CIMAP2: variants seen among roughly 807,000 people sequenced by gnomAD.
CIMAP2 encodes the protein ciliary microtubule associated protein 2, also known as ciliary microtubule-associated protein 2.
the CIMAP2 span, chr1:54,817,206 G>A: frequency 2.0e-5 from 31 of 1,545,104 alleles, no homozygotes; most frequent in African/African-American, 3.5e-4. Flanking sequence ...CCCCATGTTT[G>A]GTTCCCATGG....
the CIMAP2 span, among the ~76,000 whole-genome samples, chr1:54,826,163 C>T: frequency 1.3e-5 from 2 of 152,160 alleles, no homozygotes; most frequent in African/African-American, 2.4e-5. Context: ...TGGGCCTGTC[C>T]TCAGGCCCTG....
chr1:54,807,944 G>T, the CIMAP2 span: 1 of 1,609,752 alleles, frequency 6.2e-7, no homozygotes, highest in Non-Finnish European at 8.5e-7. Context: ...GAACAGCTGC[G>T]GGAGAAACCA....
the CIMAP2 span, among the ~76,000 whole-genome samples, chr1:54,825,070 G>A: frequency 3.6e-3 from 307 of 85,746 alleles, 16 homozygotes; most frequent in East Asian, 0.099. Context: ...TTTTTTTTGA[G>A]ATGGAGTCTC....
At chr1:54,824,922 C>T in the CIMAP2 span, among the ~76,000 whole-genome samples, 1 of 148,928 alleles carries the variant, frequency 6.7e-6, no homozygotes, top group African/African-American at 2.5e-5. Flanking sequence ...ATATTGTATT[C>T]CTTGGAGGTA....
chr1:54,813,937 A>T, the CIMAP2 span: 1 of 1,612,030 alleles, frequency 6.2e-7, no homozygotes. Context: ...TACAGAGAGG[A>T]TTTACTGGGC....
chr1:54,807,917 A>C, the CIMAP2 span: 1 of 1,605,190 alleles, frequency 6.2e-7, no homozygotes, highest in Non-Finnish European at 8.5e-7. Context: ...GGCTCCTACA[A>C]CCTCAAAGAC....
the CIMAP2 span, chr1:54,815,128 G>A: frequency 6.5e-7 from 1 of 1,549,744 alleles, no homozygotes; most frequent in Non-Finnish European, 8.8e-7. Flanking sequence ...GGTAACCGAT[G>A]CTTTGAGTGA....
At chr1:54,811,763 C>CCGCCGGGGGGGGGGGGG in the CIMAP2 span, 1 of 1,280,768 alleles carries the variant, frequency 7.8e-7, no homozygotes, top group Non-Finnish European at 1.1e-6. Flanking sequence ...GTGGTTCTGA[C>CCGCCGGGGGGGGGGGGG]AGCCTCCATG....
chr1:54,822,399 C>A, the CIMAP2 span, among the ~76,000 whole-genome samples: 1 of 146,680 alleles, frequency 6.8e-6, no homozygotes, highest in East Asian at 2.0e-4. Flanking sequence ...TTTTTTCAGT[C>A]TCTATTTTGT....
the CIMAP2 span, among the ~76,000 whole-genome samples, chr1:54,836,262 CTCCCGCCTGCCTACCT>C: frequency 6.7e-5 from 10 of 149,784 alleles, no homozygotes; most frequent in Admixed American, 4.7e-4. Flanking sequence ...CCCCTTCGCC[CTCCCGCCTGCCTACCT>C]GCCCGCCTGC....
chr1:54,809,611 G>T, the CIMAP2 span, among the ~76,000 whole-genome samples: 1 of 152,088 alleles, frequency 6.6e-6, no homozygotes, highest in Admixed American at 6.5e-5. Flanking sequence ...CTACCAACTG[G>T]CAGAAGTAGG....
At chr1:54,807,506 C>G in the CIMAP2 span, 6 of 1,500,272 alleles carry the variant, frequency 4.0e-6, no homozygotes, top group African/African-American at 5.6e-5. Flanking sequence ...TGTCACAGCT[C>G]TGACCACACT....
the CIMAP2 span, among the ~76,000 whole-genome samples, chr1:54,819,959 CTCTT>C: frequency 9.8e-6 from 1 of 101,966 alleles, no homozygotes; most frequent in African/African-American, 3.8e-5. Flanking sequence ...TTCTTTCTTT[CTCTT>C]TTCTTTCTTT....
chr1:54,807,327 A>G, the CIMAP2 span, among the ~76,000 whole-genome samples: 5 of 152,130 alleles, frequency 3.3e-5, no homozygotes, highest in African/African-American at 1.2e-4. Context: ...CTGCAGTGTG[A>G]GGGGGCAGTG....
the CIMAP2 span, chr1:54,811,779 A>ACCCCCCCCCCCCCCCCCC: frequency 3.5e-6 from 1 of 286,568 alleles, no homozygotes; most frequent in South Asian, 2.5e-5. Flanking sequence ...CCATGCCCCC[A>ACCCCCCCCCCCCCCCCCC]CCCCCGCCCC....
chr1:54,818,925 A>T, the CIMAP2 span, among the ~76,000 whole-genome samples: 2 of 152,124 alleles, frequency 1.3e-5, no homozygotes, highest in South Asian at 4.1e-4. Context: ...GATGTTAATT[A>T]AGTTTTCCTG....
chr1:54,825,136 C>T, the CIMAP2 span, among the ~76,000 whole-genome samples: 5,435 of 148,098 alleles, frequency 0.037, 372 homozygotes, highest in African/African-American at 0.13. Context: ...CTGCAAGCTC[C>T]GCCTCCAGGG....
At chr1:54,822,501 GTTGT>G in the CIMAP2 span, among the ~76,000 whole-genome samples, 141 of 151,520 alleles carry the variant, frequency 9.3e-4, no homozygotes, top group Non-Finnish European at 1.9e-3. Context: ...GCATTGTTAC[GTTGT>G]TTATTTGAAA....
At chr1:54,828,361 A>AG in the CIMAP2 span, among the ~76,000 whole-genome samples, 1 of 152,082 alleles carries the variant, frequency 6.6e-6, no homozygotes, top group Non-Finnish European at 1.5e-5. Context: ...TCTGCCATCC[A>AG]GGGCGGGGGT....
Sources: allele counts gnomAD v4.1 joint callset (sites outside exome capture counted in the v4.1 genomes callset), GRCh38; gene constraint gnomAD v4.1.1; transcripts MANE v1.5; gene names NCBI Gene and HGNC (gene_info 2026-07-23, HGNC 2026-07-21).